DCAF1: variants seen among roughly 807,000 people sequenced by gnomAD.
DCAF1 encodes the protein DDB1- and CUL4-associated factor 1.
Under a neutral mutation model 128.0 loss-of-function variants are expected in DCAF1, and 15 were observed. The ratio of observed to expected loss-of-function variants is 0.12; its 90% confidence interval spans 0.08 to 0.18. The LOEUF (loss-of-function observed/expected upper bound fraction) is 0.18, where lower values mean the gene tolerates loss of function less well. Among genes scored for constraint, DCAF1 ranks in the 10% least tolerant of loss-of-function variants. The pLI is 1.00. For synonymous variants in DCAF1, 610 were observed against 603.0 expected, an observed-to-expected ratio of 1.01 and a Z score of -0.17; for missense variants, 988 against 1,649.5, an observed-to-expected ratio of 0.60 and a Z score of 6.95.
rs1241817607 is a variant in DCAF1 at position 51,418,034 on chromosome 3, G to A, written c.3518+82C>T. The A allele has an allele frequency of 9.9e-6, 15 of 1,508,594 alleles. No homozygotes were observed. In the Admixed American group the frequency reaches 3.4e-4, roughly 35 times the overall value. 93.5% of individuals were successfully genotyped at this position (1,508,594 alleles called of 1,614,324 possible). A position where few individuals can be genotyped will look rare whatever the true frequency, so the allele number is the denominator to read the frequency against. ...CGACAGCATCCTCTTTCCCCAAAAG[G>A]CTTCCAGTCTAAGAACCAAATGAAG... On this transcript the variant is annotated intron_variant, in intron 17 of 24. Transcript: ENST00000684031.
chr3:51,424,068 T>A (rs1699680459), intron 13 of DCAF1, among the ~76,000 whole-genome samples: 2 of 151,816 alleles, frequency 1.3e-5, no homozygotes, highest in Admixed American at 6.6e-5. Context: ...GATATAAAAT[T>A]AAAAATCTGA....
chr3:51,483,927 C>G (rs782135655), intron 2 of DCAF1, 91 bp from the exon 3 acceptor site: 120 of 888,960 alleles, frequency 1.3e-4, no homozygotes, highest in Non-Finnish European at 2.1e-4. Context: ...GACGAGAAGG[C>G]AAGAGAAAAA....
chr3:51,459,904 T>C (rs1703351713), intron 6 of DCAF1, among the ~76,000 whole-genome samples: 2 of 152,242 alleles, frequency 1.3e-5, no homozygotes, highest in East Asian at 1.9e-4. Context: ...ATGGGACCTA[T>C]CTCAAAATAA....
At position 51,422,410 on chromosome 3, in the gene DCAF1, A is replaced by G. The variant is rs1553632808; in HGVS notation, c.1869T>C (p.Ala623=). The change falls in exon 14 of 25, where the codon GCT becomes GCC. Residue 623 remains alanine, a synonymous_variant. Coordinates refer to ENST00000684031, the MANE Select transcript of DCAF1 (RefSeq NM_001387579.1). Reference sequence around the variant, plus strand: ...CAGTAAGAATAGCCAGGACATCCAAAGCAAAGCGCACAGTGTCATTCCTGG... The same window carrying G: ...CAGTAAGAATAGCCAGGACATCCAAGGCAAAGCGCACAGTGTCATTCCTGG... ...YYARNDTVRF[A]LDVLAILTVV... is the part of the protein sequence containing the mutation. 2 of 726,758 alleles carry G rather than the reference A, an allele frequency of 2.8e-6. No homozygotes were observed. The highest frequency in any genetic ancestry group is 2.0e-5 in the Admixed American group (1 of 50,470). 45.0% of individuals were successfully genotyped at this position (726,758 alleles called of 1,614,324 possible).
At chr3:51,449,021 G>C (rs996634944) in intron 6 of DCAF1, among the ~76,000 whole-genome samples, 2 of 151,750 alleles carry the variant, frequency 1.3e-5, no homozygotes, top group Non-Finnish European at 2.9e-5. Flanking sequence ...AATGAAACTA[G>C]AAATCAACAA....
chr3:51,449,900 A>T (rs782241806), intron 6 of DCAF1, among the ~76,000 whole-genome samples: 2 of 152,206 alleles, frequency 1.3e-5, no homozygotes, highest in Admixed American at 6.5e-5. Context: ...CCAAGATAAA[A>T]TGGACAAATC....
intron 6 of DCAF1, among the ~76,000 whole-genome samples, chr3:51,444,541 G>A (rs1433972039): frequency 2.0e-5 from 3 of 151,972 alleles, no homozygotes; most frequent in African/African-American, 4.8e-5. Context: ...TAGTAGAGAC[G>A]GGGTTTCGCT....
chr3:51,438,491 A>G (rs150831078), intron 9 of DCAF1, among the ~76,000 whole-genome samples: 1 of 152,396 alleles, frequency 6.6e-6, no homozygotes, highest in East Asian at 1.9e-4. Flanking sequence ...ATACAAGTGA[A>G]GTTGAATTGT....
intron 23 of DCAF1, among the ~76,000 whole-genome samples, chr3:51,407,648 A>G (rs1017532798): frequency 6.6e-6 from 1 of 152,196 alleles, no homozygotes; most frequent in African/African-American, 2.4e-5. Flanking sequence ...GGGTTTTGTA[A>G]CTTTTCTAAA....
chr3:51,424,829 T>C (rs1312104909), intron 13 of DCAF1, among the ~76,000 whole-genome samples: 8 of 152,126 alleles, frequency 5.3e-5, no homozygotes, highest in Non-Finnish European at 1.2e-4. Flanking sequence ...ATATATAGTA[T>C]AAAAACATGA....
chr3:51,492,795 C>T (rs1467737235), intron 2 of DCAF1, among the ~76,000 whole-genome samples: 1 of 151,282 alleles, frequency 6.6e-6, no homozygotes, highest in African/African-American at 2.4e-5. Context: ...GAGACAGAGA[C>T]CATCCTGGCT....
In DCAF1 at chr3:51,485,501, C is replaced by T. The variant is rs112097609; in HGVS notation, c.-8-1665G>A. On this transcript the variant is annotated intron_variant, in intron 2 of 24. Coordinates refer to ENST00000684031, the MANE Select transcript of DCAF1 (RefSeq NM_001387579.1). Reference sequence around the variant, plus strand: ...GGGGATCCAAAAGGGATAAATGAGACGCAAATGTTTGACAGGTTATGGCAT... The same window carrying T: ...GGGGATCCAAAAGGGATAAATGAGATGCAAATGTTTGACAGGTTATGGCAT... 7.6e-3 allele frequency among the ~76,000 whole-genome samples: 1,156 copies of T among 152,258 alleles called. 10 individuals are homozygous for T. Among genetic ancestry groups the T allele is most frequent in the South Asian group, 0.016 (75 of 4,830 alleles).
intron 3 of DCAF1, among the ~76,000 whole-genome samples, chr3:51,477,904 T>TTATA (rs150883808): frequency 6.6e-6 from 1 of 151,300 alleles, no homozygotes; most frequent in African/African-American, 2.4e-5. Flanking sequence ...CCAGTAGCTT[T>TTATA]TATATATATA....
At chr3:51,487,638 C>A (rs1414414333) in intron 2 of DCAF1, among the ~76,000 whole-genome samples, 1 of 152,020 alleles carries the variant, frequency 6.6e-6, no homozygotes, top group Non-Finnish European at 1.5e-5. Flanking sequence ...AATGTGGCAA[C>A]AATTTAACCA....
At chr3:51,449,486 C>T (rs1317761043) in intron 6 of DCAF1, among the ~76,000 whole-genome samples, 3 of 152,110 alleles carry the variant, frequency 2.0e-5, no homozygotes, top group Non-Finnish European at 4.4e-5. Context: ...GGATTACAGG[C>T]GTGAGCCACT....
chr3:51,416,829 G>C lies in DCAF1; in HGVS notation c.3561C>G (p.His1187Gln), dbSNP rs1698925725. Residue 1187 changes from histidine to glutamine, a missense_variant, in exon 18 of 25, where the codon CAC (histidine) becomes CAG (glutamine). Coordinates refer to ENST00000684031, the MANE Select transcript of DCAF1 (RefSeq NM_001387579.1). ...TEDHYVEFSK[H>Q]SQDRVIGTKG... ...TTGTGCCGATGACCCGATCCTGGGA[G>C]TGCTTACTGAACTCAACATAGTGAT... 1.9e-6 allele frequency: 3 copies of C among 1,611,820 alleles called. No individual in the cohort carries two copies. Among genetic ancestry groups the C allele is most frequent in the Non-Finnish European group, 2.5e-6 (3 of 1,178,998 alleles).
chr3:51,405,676 G>A lies in DCAF1; in HGVS notation c.4213-2281C>T, dbSNP rs1366582750. ...TTCCAAATTTTAAATCTGAAACTGG[G>A]ATCATGAAGCAGAGGCTCACAAGAC... On this transcript the variant is annotated intron_variant, in intron 23 of 24. Transcript: ENST00000684031. 2.0e-5 allele frequency among the ~76,000 whole-genome samples: 3 copies of A among 152,114 alleles called. No homozygotes were observed. The East Asian group carries it at 5.8e-4, about 29-fold the overall frequency.
intron 2 of DCAF1, among the ~76,000 whole-genome samples, chr3:51,486,879 G>A (rs1023456844): frequency 6.6e-6 from 1 of 151,816 alleles, no homozygotes; most frequent in Non-Finnish European, 1.5e-5. Context: ...TGATCCGCCT[G>A]CCTCGGCCTC....
intron 6 of DCAF1, among the ~76,000 whole-genome samples, chr3:51,444,128 G>C (rs1365118231): frequency 3.3e-5 from 5 of 152,068 alleles, no homozygotes; most frequent in African/African-American, 1.2e-4. Flanking sequence ...TTAGGTCTTT[G>C]CAGTCAGAAA....
Sources: gnomAD v4.1 joint callset for allele counts (sites outside exome capture counted in the v4.1 genomes callset) on GRCh38, gnomAD v4.1.1 for gene constraint, MANE v1.5 for transcripts, NCBI Gene and HGNC (gene_info 2026-07-23, HGNC 2026-07-21) for gene names.